The following UGGT2 variants were observed in gnomAD, a reference collection of about 807,000 sequenced individuals.
The protein encoded by UGGT2 is UDP-glucose:glycoprotein glucosyltransferase 2.
In UGGT2, 180 loss-of-function variants were observed where a neutral mutation model predicts 192.1. That is an observed-to-expected ratio of 0.94 (90% CI 0.83 to 1.06). The LOEUF is 1.06. Ranked by LOEUF, UGGT2 falls within the 50% of genes least tolerant of loss-of-function variation. UGGT2 has a pLI of 0.00. For synonymous variants in UGGT2, 580 were observed against 591.0 expected (o/e 0.98, Z 0.27); for missense variants, 1,849 against 1,795.7 (o/e 1.03, Z -0.54).
intron 17 of UGGT2, 150 bp from the exon 18 acceptor site, chr13:95,927,486 T>TA: frequency 6.8e-6 from 5 of 737,814 alleles, no homozygotes; most frequent in East Asian, 3.0e-5. Flanking sequence ...TTTTTTTTTT[T>TA]TTATTCTTCA....
Position 95,970,140 on chromosome 13 carries a change from AC to A in UGGT2, c.1306del (p.Val436TyrfsTer2). The A allele has an allele frequency of 1.2e-6, 2 of 1,609,084 alleles. No homozygotes were observed. Among genetic ancestry groups the A allele is most frequent in the South Asian group, 2.2e-5 (2 of 90,806 alleles). On this transcript the variant is annotated frameshift_variant, in exon 12 of 39. Coordinates refer to ENST00000376747, the MANE Select transcript of UGGT2 (RefSeq NM_020121.4). LOFTEE classifies it high-confidence loss of function. Reference sequence around the variant, plus strand: ...TATAGAAGAATGTCGAATATCTAATACATAAGTATATTCCCAAATGTGTGAA... The same window carrying A: ...TATAGAAGAATGTCGAATATCTAATAATAAGTATATTCCCAAATGTGTGAA... ...LNSHIWEYTY[V>X]LDIRHSSIMW...
intron 2 of UGGT2, among the ~76,000 whole-genome samples, chr13:96,026,182 A>T (rs2052658726): frequency 6.6e-6 from 1 of 152,168 alleles, no homozygotes; most frequent in African/African-American, 2.4e-5. Flanking sequence ...CAAACAAACA[A>T]ACAAAAAACA....
intron 27 of UGGT2, among the ~76,000 whole-genome samples, chr13:95,884,087 C>T (rs138692096): frequency 1.7e-5 from 1 of 60,042 alleles, no homozygotes; most frequent in Non-Finnish European, 4.0e-5. Context: ...AAAAAAAAAA[C>T]CAACAACAAC....
intron 13 of UGGT2, 48 bp downstream of exon 13, chr13:95,949,287 C>T: frequency 7.2e-7 from 1 of 1,382,700 alleles, no homozygotes; most frequent in Non-Finnish European, 9.5e-7. Flanking sequence ...AGAAAGAATG[C>T]TGATATCTTT....
intron 30 of UGGT2, among the ~76,000 whole-genome samples, chr13:95,864,579 T>C (rs185531765): frequency 2.0e-5 from 3 of 152,290 alleles, no homozygotes; most frequent in Admixed American, 2.0e-4. Flanking sequence ...AGAGAACTAT[T>C]TTTTCCTGGA....
At chr13:95,866,377 G>A (rs779933874) in intron 30 of UGGT2, among the ~76,000 whole-genome samples, 5 of 152,106 alleles carry the variant, frequency 3.3e-5, no homozygotes, top group African/African-American at 9.7e-5. Context: ...CTGGTTTTGT[G>A]TATTTGGTTA....
intron 5 of UGGT2, among the ~76,000 whole-genome samples, chr13:96,004,385 G>C (rs1335446899): frequency 1.3e-5 from 2 of 152,084 alleles, no homozygotes; most frequent in East Asian, 1.9e-4. Flanking sequence ...TGAAGTCAGG[G>C]AGACAGAGAC....
In UGGT2 at chr13:96,019,428, G is replaced by C. The variant is rs1481129091; in HGVS notation, c.485+3612C>G. Among the ~76,000 whole-genome samples the C allele has an allele frequency of 2.0e-5, 3 of 152,120 alleles. No homozygotes were observed. In the East Asian group the frequency reaches 5.8e-4, roughly 29 times the overall value. On this transcript the variant is annotated intron_variant, in intron 4 of 38. Transcript: ENST00000376747. ...GAAACCCATCATTTAATAACAAGCA[G>C]TAAGTAAGTTGCCCTTTGTCCCAGG...
intron 15 of UGGT2, among the ~76,000 whole-genome samples, chr13:95,943,584 ATAAT>A (rs2049764067): frequency 6.6e-6 from 1 of 152,048 alleles, no homozygotes; most frequent in Non-Finnish European, 1.5e-5. Context: ...ACTGATGAAA[ATAAT>A]TAATAAATAT....
At chr13:95,910,301 G>A (rs558121998) in intron 20 of UGGT2, among the ~76,000 whole-genome samples, 1 of 152,118 alleles carries the variant, frequency 6.6e-6, no homozygotes, top group Non-Finnish European at 1.5e-5. Flanking sequence ...ACTGGAAATT[G>A]GATAAAGAGT....
intron 37 of UGGT2, among the ~76,000 whole-genome samples, chr13:95,834,721 C>T (rs776920447): frequency 6.6e-6 from 1 of 152,048 alleles, no homozygotes; most frequent in Non-Finnish European, 1.5e-5. Context: ...ATTGGTATTG[C>T]TATTGCTAGG....
At chr13:95,814,074 C>T (rs1884702093) in intron 38 of UGGT2, among the ~76,000 whole-genome samples, 1 of 152,318 alleles carries the variant, frequency 6.6e-6, no homozygotes, top group Non-Finnish European at 1.5e-5. Flanking sequence ...AAGCCTGCTG[C>T]AAGGGTAGAG....
intron 10 of UGGT2, among the ~76,000 whole-genome samples, chr13:95,976,511 T>C (rs1240096523): frequency 2.0e-5 from 3 of 152,302 alleles, no homozygotes; most frequent in African/African-American, 4.8e-5. Flanking sequence ...CTGTTTTCCA[T>C]TGTGGCTTTA....
Position 95,900,803 on chromosome 13 carries a change from T to C in UGGT2, c.2634+4A>G. 1 of 1,604,654 alleles carries C rather than the reference T, an allele frequency of 6.2e-7. No individual in the cohort carries two copies. Among genetic ancestry groups the C allele is most frequent in the Non-Finnish European group, 8.5e-7 (1 of 1,176,362 alleles). ...AAAAGAGAGCAATAGCTTTTTCTAC[T>C]TACTCTCCCATTGCTGACAATACCC... On this transcript the variant is annotated splice_donor_region_variant and intron_variant, in intron 22 of 38. Transcript: ENST00000376747.
chr13:95,993,394 T>C (rs949875854), intron 7 of UGGT2, among the ~76,000 whole-genome samples: 1 of 151,970 alleles, frequency 6.6e-6, no homozygotes, highest in Non-Finnish European at 1.5e-5. Context: ...AAAATAGAAG[T>C]TGAAATAAAA....
intron 12 of UGGT2, among the ~76,000 whole-genome samples, chr13:95,967,060 C>CT (rs1429612588): frequency 6.6e-6 from 1 of 151,852 alleles, no homozygotes; most frequent in South Asian, 2.1e-4. Flanking sequence ...GGCCACAAAG[C>CT]TTTTTTTCCA....
At chr13:95,863,812 A>G (rs1309000109) in intron 30 of UGGT2, 98 bp from the exon 31 acceptor site, 4 of 944,550 alleles carry the variant, frequency 4.2e-6, no homozygotes, top group Non-Finnish European at 6.7e-6. Context: ...ACCCATAGAA[A>G]TCTAAGATTG....
At chr13:96,031,746 A>G (rs1048720821) in intron 2 of UGGT2, 143 bp downstream of exon 2, 3 of 588,916 alleles carry the variant, frequency 5.1e-6, no homozygotes, top group African/African-American at 3.8e-5. Context: ...GGTTTCTATT[A>G]AAACATATTT....
Position 95,846,424 on chromosome 13 carries a change from G to A in UGGT2, c.4284+7119C>T, listed in dbSNP as rs1385040888. 2.6e-5 allele frequency among the ~76,000 whole-genome samples: 4 copies of A among 152,022 alleles called. No individual in the cohort carries two copies. The East Asian group carries it at 5.8e-4, about 22-fold the overall frequency. ...TCAGAGGGAGACCGTGCAGAGGGGA[G>A]GAGGGGAGGGGGGGAGGAGGGAGAG... On this transcript the variant is annotated intron_variant, in intron 36 of 38. Coordinates refer to ENST00000376747, the MANE Select transcript of UGGT2 (RefSeq NM_020121.4).
Sources: gnomAD v4.1 joint callset for allele counts (sites outside exome capture counted in the v4.1 genomes callset) on GRCh38, gnomAD v4.1.1 for gene constraint, MANE v1.5 for transcripts, NCBI Gene and HGNC (gene_info 2026-07-23, HGNC 2026-07-21) for gene names.